Variants in PATZ1 observed in about 807,000 individuals in gnomAD.
The protein encoded by PATZ1 is POZ/BTB and AT hook containing zinc finger 1.
PATZ1 carries 9 observed loss-of-function variants against 46.2 expected under a neutral mutation model. That is an observed-to-expected ratio of 0.19 (90% CI 0.12 to 0.34). The LOEUF is 0.34. PATZ1 is among the 10% of genes least tolerant of loss of function. The pLI, the probability that PATZ1 is intolerant of heterozygous loss-of-function variation, is 1.00. For missense variants in PATZ1, 632 were observed against 923.0 expected, an observed-to-expected ratio of 0.68 and a Z score of 4.08; for synonymous variants, 426 against 378.6, an observed-to-expected ratio of 1.13 and a Z score of -1.45.
At chr22:31,332,604 A>G (rs1056667358) in intron 3 of PATZ1, among the ~76,000 whole-genome samples, 2 of 152,206 alleles carry the variant, frequency 1.3e-5, no homozygotes, top group East Asian at 1.9e-4. Context: ...TTCCACATCA[A>G]TGCAGGGGTT....
chr22:31,340,736 A>G (rs750810118), intron 2 of PATZ1: 12 of 1,049,290 alleles, frequency 1.1e-5, no homozygotes, highest in African/African-American at 1.7e-5. Flanking sequence ...GCGGAGTGCT[A>G]AAGGGCACAC....
At chr22:31,333,474 T>A (rs1040295764) in intron 3 of PATZ1, among the ~76,000 whole-genome samples, 5 of 146,456 alleles carry the variant, frequency 3.4e-5, no homozygotes, top group African/African-American at 1.3e-4. Flanking sequence ...TTTATCCTCT[T>A]CCTTTTTTTT....
In PATZ1 at chr22:31,333,476, CTTTTTT is replaced by C. The variant is rs71319182; in HGVS notation, c.1507+2210_1507+2215del. 3.1e-3 allele frequency among the ~76,000 whole-genome samples: 395 copies of C among 128,744 alleles called. 1 individual carries two copies. Among genetic ancestry groups the C allele is most frequent in the Non-Finnish European group, 4.7e-3 (292 of 61,854 alleles). The allele number at this position is 128,744 out of a possible 152,430, so 84.5% of individuals were successfully genotyped here. The stretch of plus-strand genomic sequence containing the variant: ...GCTCAGAAAGAACTTTATCCTCTTC[CTTTTTT>C]TTTTTTTTTTTTTTTGTCTCTTCCT... On this transcript the variant is annotated intron_variant, in intron 3 of 4. Transcript: ENST00000266269.
In PATZ1 at chr22:31,340,991, G is replaced by A. The variant is rs141766250; in HGVS notation, c.1335+1906C>T. The A allele has an allele frequency of 4.8e-4, 510 of 1,073,306 alleles. 4 individuals carry two copies. In the South Asian group the frequency reaches 4.9e-3, roughly 10 times the overall value. 66.5% of individuals were successfully genotyped at this position (1,073,306 alleles called of 1,614,324 possible). A position where few individuals can be genotyped will look rare whatever the true frequency, so the allele number is the denominator to read the frequency against. On this transcript the variant is annotated intron_variant, in intron 2 of 4. Transcript: ENST00000266269. ...ATTGTGCCAGTCTTCTCTGGAGGCC[G>A]ACTCACTCGTGGAGTGGGGAAAGGG... is the stretch of plus-strand genomic sequence containing the variant.
chr22:31,341,681 C>A, intron 2 of PATZ1: 1 of 1,605,498 alleles, frequency 6.2e-7, no homozygotes, highest in Non-Finnish European at 8.5e-7. Context: ...TCCCAACCCA[C>A]ACCTGGAAAA....
intron 1 of PATZ1, 52 bp from the exon 2 acceptor site, chr22:31,343,012 A>T (rs753565314): frequency 7.4e-6 from 12 of 1,612,088 alleles, no homozygotes; most frequent in Non-Finnish European, 9.3e-6. Flanking sequence ...AGACCCCACC[A>T]CACAGGCACA....
intron 2 of PATZ1, among the ~76,000 whole-genome samples, chr22:31,336,936 G>T (rs969642796): frequency 6.6e-6 from 1 of 151,224 alleles, no homozygotes; most frequent in Admixed American, 6.6e-5. Flanking sequence ...GGTGAAACTC[G>T]GTCTCTACTA....
At chr22:31,336,797 C>T (rs28639919) in intron 2 of PATZ1, among the ~76,000 whole-genome samples, 2,249 of 117,700 alleles carry the variant, frequency 0.019, 21 homozygotes, top group Middle Eastern at 0.041. Flanking sequence ...CAAGTCAAGA[C>T]TTCCTCTCAA....
In PATZ1 at chr22:31,344,591, T is replaced by C; in HGVS notation, c.1012A>G (p.Ile338Val). ...CGGGGGCCGTCGGGGTCTTCAGAGA[T>C]GGGTAGCCCATTCTCACCCAGCCTC... ...PPRLGENGLP[I>V]SEDPDGPRKR... is the part of the protein sequence containing the mutation. Residue 338 changes from isoleucine to valine, a missense_variant, in exon 1 of 5, where the codon ATC (isoleucine) becomes GTC (valine). Ile to Val is a conservative substitution (Grantham distance 29). Transcript: ENST00000266269. 2 of 1,614,136 alleles carry C rather than the reference T, an allele frequency of 1.2e-6. No individual in the cohort carries two copies. Among genetic ancestry groups the C allele is most frequent in the East Asian group, 2.2e-5 (1 of 44,884 alleles).
intron 2 of PATZ1, among the ~76,000 whole-genome samples, chr22:31,340,360 G>T (rs2049564739): frequency 6.6e-6 from 1 of 152,176 alleles, no homozygotes; most frequent in Admixed American, 6.5e-5. Context: ...AGCCAGTGGG[G>T]AACTCAAGGA....
At chr22:31,330,992 C>T (rs1328145925) in intron 3 of PATZ1, among the ~76,000 whole-genome samples, 5 of 152,220 alleles carry the variant, frequency 3.3e-5, no homozygotes, top group Non-Finnish European at 7.3e-5. Context: ...AATTTTCCTT[C>T]CTTTCCCAAT....
rs944096014 is a variant in PATZ1, at chr22:31,328,691, A to G, written c.1645+96T>C. 3 of 1,151,732 alleles carry G rather than the reference A, an allele frequency of 2.6e-6. No individual in the cohort carries two copies. Among genetic ancestry groups the G allele is most frequent in the Non-Finnish European group, 3.9e-6 (3 of 771,820 alleles). The allele number at this position is 1,151,732 out of a possible 1,614,324, so 71.3% of individuals were successfully genotyped here. ...CTCTGAGTCTCCTCAAGGCAGCCAG[A>G]AAGCCGGCAGCCTTCCCGCCTCCCC... On this transcript the variant is annotated intron_variant, in intron 4 of 4. Transcript: ENST00000266269. This position sits in a 1 kb window ranked among gnomAD's most constrained non-coding sequence, Gnocchi z 4.8.
rs2049378343 is a variant in PATZ1, at chr22:31,327,142, ACTT to A, written c.1810_1812del (p.Lys604del). 4 of 1,614,026 alleles carry A rather than the reference ACTT, an allele frequency of 2.5e-6. No individual in the cohort carries two copies. The highest frequency in any genetic ancestry group is 1.3e-5 in the African/African-American group (1 of 75,006). On this transcript the variant is annotated inframe_deletion, in exon 5 of 5. Coordinates refer to ENST00000266269, the MANE Select transcript of PATZ1 (RefSeq NM_014323.3). The surrounding 1 kb of genome is among the most constrained non-coding windows in gnomAD (Gnocchi z 4.2). Reference sequence around the variant, plus strand: ...AAGCTCCCACATTCAGGGCATGGGTACTTCTTCTCCCCATCAGACTCCATTTTG... The same window carrying A: ...AAGCTCCCACATTCAGGGCATGGGTACTTCTCCCCATCAGACTCCATTTTG...
intron 1 of PATZ1, 68 bp from the exon 2 acceptor site, chr22:31,343,028 A>G: frequency 1.9e-6 from 3 of 1,609,070 alleles, no homozygotes; most frequent in Non-Finnish European, 2.5e-6. Flanking sequence ...GCACATATGC[A>G]TACGTGTGTA....
intron 3 of PATZ1, among the ~76,000 whole-genome samples, chr22:31,334,058 C>T (rs2057950): frequency 0.044 from 6,748 of 152,284 alleles, 542 homozygotes; most frequent in East Asian, 0.36. Context: ...CCCCAGTTCT[C>T]AGACTGGGAA....
chr22:31,337,127 G>A (rs2049521804), intron 2 of PATZ1, among the ~76,000 whole-genome samples: 5 of 152,038 alleles, frequency 3.3e-5, no homozygotes. Flanking sequence ...AAAAGCATTT[G>A]TGAAACGTTA....
chr22:31,341,291 AGCTGGGCAT>A, intron 2 of PATZ1: 5 of 1,448,832 alleles, frequency 3.5e-6, no homozygotes, highest in Non-Finnish European at 2.7e-6. Context: ...CCCAGGGAGG[AGCTGGGCAT>A]GCTGGGCAGG....
chr22:31,340,569 G>GT (rs2049567801), intron 2 of PATZ1: 1 of 502,168 alleles, frequency 2.0e-6, no homozygotes, highest in African/African-American at 2.1e-5. Flanking sequence ...CAGCAGGTCT[G>GT]TGAGAGTGTA....
chr22:31,336,011 T>A, intron 2 of PATZ1, 148 bp from the exon 3 acceptor site: 1 of 678,836 alleles, frequency 1.5e-6, no homozygotes, highest in Non-Finnish European at 2.5e-6. Flanking sequence ...TCAGGCTCCC[T>A]ACCCAGAATG....
Sources: gnomAD v4.1 joint callset for allele counts (sites outside exome capture counted in the v4.1 genomes callset) on GRCh38, gnomAD v4.1.1 for gene constraint, Gnocchi (gnomAD v3.1) non-coding constraint, MANE v1.5 for transcripts, NCBI Gene and HGNC (gene_info 2026-07-23, HGNC 2026-07-21) for gene names.